The following PTPRN2 variants were observed in gnomAD, a reference collection of about 807,000 sequenced individuals.
The protein encoded by PTPRN2 is protein tyrosine phosphatase receptor type N2, also known as receptor-type tyrosine-protein phosphatase N2.
In PTPRN2, 74 loss-of-function variants were observed where a neutral mutation model predicts 118.8. That is an observed-to-expected ratio of 0.62 (90% CI 0.52 to 0.76). The LOEUF (loss-of-function observed/expected upper bound fraction) is 0.76. PTPRN2 is among the 30% of genes least tolerant of loss of function. The pLI, the probability that PTPRN2 is intolerant of heterozygous loss-of-function variation, is 0.00. For missense variants in PTPRN2, 1,481 were observed against 1,394.4 expected, an observed-to-expected ratio of 1.06 and a Z score of -0.99; for synonymous variants, 641 against 608.0, an observed-to-expected ratio of 1.05 and a Z score of -0.80.
intron 11 of PTPRN2, among the ~76,000 whole-genome samples, chr7:158,055,966 G>A (rs889201577): frequency 6.6e-6 from 1 of 152,324 alleles, no homozygotes; most frequent in African/African-American, 2.4e-5. Flanking sequence ...CCTACACAGA[G>A]CGACACTTCT....
chr7:158,342,050 G>A (rs542747226), intron 2 of PTPRN2, among the ~76,000 whole-genome samples: 15 of 124,844 alleles, frequency 1.2e-4, no homozygotes, highest in South Asian at 2.6e-4. Context: ...GCTGACACCC[G>A]CAGACGTTAC....
At chr7:157,853,363 G>C (rs1809435181) in intron 12 of PTPRN2, among the ~76,000 whole-genome samples, 1 of 152,146 alleles carries the variant, frequency 6.6e-6, no homozygotes. Flanking sequence ...TGGAGGTAAG[G>C]ATCCTCTCCA....
rs186644825 is a variant in PTPRN2 at position 157,785,145 on chromosome 7, C to A, written c.1789-102208G>T. On this transcript the variant is annotated intron_variant, in intron 12 of 22. Coordinates refer to ENST00000389418, the MANE Select transcript of PTPRN2 (RefSeq NM_002847.5). The surrounding 1 kb of genome is among the most constrained non-coding windows in gnomAD (Gnocchi z 7.3). ...AGCGGCGAGAAGGCTGACCGAACAC[C>A]GAGAAGCAGCCAGCACAGGCTCTCC... Among the ~76,000 whole-genome samples the A allele has an allele frequency of 6.6e-6, 1 of 152,092 alleles. No homozygotes were observed. Among genetic ancestry groups the A allele is most frequent in the Non-Finnish European group, 1.5e-5 (1 of 68,010 alleles).
At chr7:158,336,649 AC>A (rs1805604825) in intron 2 of PTPRN2, among the ~76,000 whole-genome samples, 1 of 146,340 alleles carries the variant, frequency 6.8e-6, no homozygotes, top group African/African-American at 2.6e-5. Context: ...TCACACCCAC[AC>A]GTCACTCACA....
At chr7:158,537,392 A>G (rs1350942655) in intron 1 of PTPRN2, 2 of 152,354 alleles carry the variant, frequency 1.3e-5, no homozygotes, top group African/African-American at 2.4e-5. Context: ...ACGAGGAAGC[A>G]GAGTCATGCA....
chr7:158,319,780 T>C (rs1218513475), intron 2 of PTPRN2, among the ~76,000 whole-genome samples: 1 of 11,960 alleles, frequency 8.4e-5, no homozygotes, highest in East Asian at 2.8e-3. Flanking sequence ...CAGCCTCCCT[T>C]GTACACAGCC....
In PTPRN2 at chr7:158,513,045, G is replaced by C. The variant is rs192290050; in HGVS notation, c.113-23260C>G. On this transcript the variant is annotated intron_variant, in intron 1 of 22. Coordinates refer to ENST00000389418, the MANE Select transcript of PTPRN2 (RefSeq NM_002847.5). ...CATGACGCGTCACTCACGAGTGTGG[G>C]TTTACACTGTGCCTTCCCTCAGAGA... Among the ~76,000 whole-genome samples, 53 of 152,292 alleles carry C rather than the reference G, an allele frequency of 3.5e-4. 1 individual carries two copies. In the East Asian group the frequency reaches 9.9e-3, roughly 28 times the overall value.
At chr7:158,561,418 C>T (rs1249272795) in intron 1 of PTPRN2, among the ~76,000 whole-genome samples, 3 of 152,140 alleles carry the variant, frequency 2.0e-5, no homozygotes, top group Non-Finnish European at 4.4e-5. Context: ...ACATGGGTGA[C>T]CTTGAGCAAC....
chr7:157,763,787 A>G lies in PTPRN2; in HGVS notation c.1789-80850T>C, dbSNP rs1009171060. 6.6e-6 allele frequency among the ~76,000 whole-genome samples: 1 copy of G among 151,918 alleles called. No homozygotes were observed. The highest frequency in any genetic ancestry group is 2.4e-5 in the African/African-American group (1 of 41,358). On this transcript the variant is annotated intron_variant, in intron 12 of 22. Transcript: ENST00000389418. The surrounding 1 kb of genome is among the most constrained non-coding windows in gnomAD (Gnocchi z 4.9). ...GGAGAGCCCCGGCAGTGGTAGGAGG[A>G]GGCTGCACCGGGCAGGGTTAGGGGC... is the stretch of plus-strand genomic sequence containing the variant.
At chr7:157,937,262 G>A (rs1194399498) in intron 11 of PTPRN2, among the ~76,000 whole-genome samples, 1 of 152,174 alleles carries the variant, frequency 6.6e-6, no homozygotes, top group Non-Finnish European at 1.5e-5. Flanking sequence ...AGGTCCACAC[G>A]GGGCTGGACC....
rs111719804 is a variant in PTPRN2 at position 158,151,148 on chromosome 7, CCTCT to C, written c.911-12637_911-12634del. Among the ~76,000 whole-genome samples the C allele has an allele frequency of 7.7e-4, 57 of 74,422 alleles. 1 individual carries two copies. Among genetic ancestry groups the C allele is most frequent in the African/African-American group, 2.9e-3 (52 of 18,086 alleles). 48.8% of individuals were successfully genotyped at this position (74,422 alleles called of 152,430 possible). ...CACACCGCCCGCCTTTCTATTCCTG[CCTCT>C]CCCTGCCCACACCGCCCGCCTTTCT... On this transcript the variant is annotated intron_variant, in intron 6 of 22. Coordinates refer to ENST00000389418, the MANE Select transcript of PTPRN2 (RefSeq NM_002847.5).
Position 157,870,827 on chromosome 7 carries a change from G to A in PTPRN2, c.1788+27846C>T, listed in dbSNP as rs180854451. ...CCTCCCGCACCTGCACCCCCACCTT[G>A]ATCCCCCAGAGCACCTGGGTTGCGT... On this transcript the variant is annotated intron_variant, in intron 12 of 22. Transcript: ENST00000389418. Among the ~76,000 whole-genome samples, 108 of 152,304 alleles carry A rather than the reference G, an allele frequency of 7.1e-4. 1 individual carries two copies. In the East Asian group the frequency reaches 9.8e-3, roughly 14 times the overall value.
chr7:157,922,518 G>T (rs1388361382), intron 11 of PTPRN2, among the ~76,000 whole-genome samples: 1 of 152,184 alleles, frequency 6.6e-6, no homozygotes, highest in Non-Finnish European at 1.5e-5. Flanking sequence ...AATTATGGAT[G>T]GAAAACAAGA....
chr7:157,634,471 G>T (rs1804175692), intron 14 of PTPRN2, among the ~76,000 whole-genome samples: 1 of 152,142 alleles, frequency 6.6e-6, no homozygotes, highest in South Asian at 2.1e-4. Context: ...AAAATGTAAA[G>T]ACAACCGAAT....
At chr7:158,081,165 G>C in intron 11 of PTPRN2, 133 bp downstream of exon 11, 2 of 877,840 alleles carry the variant, frequency 2.3e-6, no homozygotes, top group Non-Finnish European at 3.7e-6. Flanking sequence ...CGGAAACCGA[G>C]ACCTTCCTCT....
In PTPRN2 at chr7:157,861,138, G is replaced by T. The variant is rs1810205140; in HGVS notation, c.1788+37535C>A. Among the ~76,000 whole-genome samples the T allele has an allele frequency of 6.6e-6, 1 of 152,202 alleles. No individual in the cohort carries two copies. The highest frequency in any genetic ancestry group is 1.5e-5 in the Non-Finnish European group (1 of 68,040). ...CGGGCGCTTTGGGATGTCGGCAGAG[G>T]CACGCATGCCTCCAGGGATGTGCCA... On this transcript the variant is annotated intron_variant, in intron 12 of 22. Coordinates refer to ENST00000389418, the MANE Select transcript of PTPRN2 (RefSeq NM_002847.5). The surrounding 1 kb of genome is among the most constrained non-coding windows in gnomAD (Gnocchi z 5.8).
intron 1 of PTPRN2, among the ~76,000 whole-genome samples, chr7:158,505,650 G>A (rs1382153330): frequency 6.6e-6 from 1 of 151,696 alleles, no homozygotes; most frequent in Non-Finnish European, 1.5e-5. Flanking sequence ...GCCCTGGACA[G>A]TGAGAAGAGG....
At position 157,603,030 on chromosome 7, in the gene PTPRN2, A is replaced by C. The variant is rs898595591; in HGVS notation, c.2418+972T>G. Among the ~76,000 whole-genome samples the C allele has an allele frequency of 6.6e-6, 1 of 152,182 alleles. No homozygotes were observed. Among genetic ancestry groups the C allele is most frequent in the Admixed American group, 6.5e-5 (1 of 15,274 alleles). ...TGAGAAGAGCTGTTTAAAGGGGGAAACATGACAACCAGTGTCCGCCATAAA... is the reference window on the plus strand; with the variant it reads ...TGAGAAGAGCTGTTTAAAGGGGGAACCATGACAACCAGTGTCCGCCATAAA... On this transcript the variant is annotated intron_variant, in intron 16 of 22. Coordinates refer to ENST00000389418, the MANE Select transcript of PTPRN2 (RefSeq NM_002847.5). The surrounding 1 kb of genome is among the most constrained non-coding windows in gnomAD (Gnocchi z 5.4).
At chr7:158,531,105 C>A (rs368021082) in intron 1 of PTPRN2, among the ~76,000 whole-genome samples, 1 of 152,100 alleles carries the variant, frequency 6.6e-6, no homozygotes, top group African/African-American at 2.4e-5. Flanking sequence ...GTGTTCAAAG[C>A]GAGAGGATCC....
Sources: gnomAD v4.1 joint callset for allele counts (sites outside exome capture counted in the v4.1 genomes callset) on GRCh38, gnomAD v4.1.1 for gene constraint, Gnocchi (gnomAD v3.1) non-coding constraint, MANE v1.5 for transcripts, NCBI Gene and HGNC (gene_info 2026-07-23, HGNC 2026-07-21) for gene names.